PFKP: variants seen among roughly 807,000 people sequenced by gnomAD.
The protein encoded by PFKP is ATP-dependent 6-phosphofructokinase, platelet type.
In PFKP, 101 loss-of-function variants were observed where a neutral mutation model predicts 94.3. The observed-to-expected ratio is 1.07, with a 90% CI of 0.91 to 1.26. The LOEUF is 1.26. Among genes scored for constraint, PFKP ranks in the 50% most tolerant of loss-of-function variants. PFKP has a pLI of 0.00. For synonymous variants in PFKP, 573 were observed against 432.6 expected, an observed-to-expected ratio of 1.32 and a Z score of -4.03; for missense variants, 1,145 against 1,103.3, an observed-to-expected ratio of 1.04 and a Z score of -0.53.
In PFKP at chr10:3,108,761, G is replaced by C; in HGVS notation, c.931G>C (p.Gly311Arg). ...GACCATCCTCGGGCACGTGCAGAGA[G>C]GAGGGACCCCTTCGGCATTCGACAG... ...RVTILGHVQR[G>R]GTPSAFDRIL... The change falls in exon 9 of 22, where the codon GGA (glycine) becomes CGA (arginine). Residue 311 changes from glycine to arginine, a missense_variant. Gly to Arg is a moderately radical substitution (Grantham distance 125, BLOSUM62 -2). Coordinates refer to ENST00000381125, the MANE Select transcript of PFKP (RefSeq NM_002627.5). 6.2e-7 allele frequency: 1 copy of C among 1,613,824 alleles called. No homozygotes were observed. The highest frequency in any genetic ancestry group is 8.5e-7 in the Non-Finnish European group (1 of 1,179,738).
At position 3,101,361 on chromosome 10, in the gene PFKP, C is replaced by A; in HGVS notation, c.265-4C>A. On this transcript the variant is annotated splice_polypyrimidine_tract_variant and splice_region_variant and intron_variant, in intron 3 of 21. Transcript: ENST00000381125. ...GGAGATAAATTAGCTGGTGTCTTTC[C>A]CAGGGCGGGACGATCATTGGCAGTG... 6.3e-7 allele frequency: 1 copy of A among 1,575,902 alleles called. No individual in the cohort carries two copies. The highest frequency in any genetic ancestry group is 8.6e-7 in the Non-Finnish European group (1 of 1,160,532).
chr10:3,124,263 G>A (rs1265111913), intron 16 of PFKP, among the ~76,000 whole-genome samples: 1 of 152,202 alleles, frequency 6.6e-6, no homozygotes, highest in African/African-American at 2.4e-5. Context: ...ATAAATAGTT[G>A]GTTTTGCCAC....
At chr10:3,107,671 T>C (rs1437471799) in intron 8 of PFKP, 1 of 911,296 alleles carries the variant, frequency 1.1e-6, no homozygotes, top group African/African-American at 1.8e-5. Context: ...GGGCTTCTGT[T>C]TGCCACAGTG....
intron 1 of PFKP, 103 bp downstream of exon 1, chr10:3,067,810 TG>T (rs993980849): frequency 8.1e-5 from 19 of 233,652 alleles, no homozygotes; most frequent in East Asian, 2.9e-4. Context: ...GGGGAAGCGA[TG>T]GGGGGGACCC....
In PFKP at chr10:3,135,883, T is replaced by G. The variant is rs1839220507; in HGVS notation, c.2225+45T>G. The G allele has an allele frequency of 2.5e-6, 3 of 1,182,668 alleles. No homozygotes were observed. The East Asian group carries it at 7.0e-5, about 28-fold the overall frequency. 73.3% of individuals were successfully genotyped at this position (1,182,668 alleles called of 1,614,324 possible). ...TGAGGCAATAAGACCCCAATGTGAG[T>G]ACGGGACAGGGGAATGGCCATTGCT... On this transcript the variant is annotated intron_variant, in intron 21 of 21. Coordinates refer to ENST00000381125, the MANE Select transcript of PFKP (RefSeq NM_002627.5).
intron 16 of PFKP, among the ~76,000 whole-genome samples, chr10:3,128,305 C>T (rs1009304709): frequency 3.3e-5 from 5 of 152,164 alleles, no homozygotes; most frequent in Non-Finnish European, 7.4e-5. Context: ...CAGGGAGAGA[C>T]ACCGGGATAA....
Position 3,082,417 on chromosome 10 carries a change from C to T in PFKP, c.142C>T (p.Arg48Cys), listed in dbSNP as rs1212418691. 5.6e-6 allele frequency: 9 copies of T among 1,607,490 alleles called. No individual in the cohort carries two copies. Among genetic ancestry groups the T allele is most frequent in the Non-Finnish European group, 6.8e-6 (8 of 1,175,824 alleles). ...GAACGCTGCCGTCCGTGCCGTGGTGCGCATGGGTATCTACGTGGGGGCCAA... is the reference window on the plus strand; with the variant it reads ...GAACGCTGCCGTCCGTGCCGTGGTGTGCATGGGTATCTACGTGGGGGCCAA... ...GMNAAVRAVVRMGIYVGAKVY... is the reference protein window; with the variant it reads ...GMNAAVRAVVCMGIYVGAKVY... Residue 48 changes from arginine (R) to cysteine (C), a missense_variant, in exon 2 of 22, where the codon CGC becomes TGC. Physicochemically the swap from Arg to Cys is radical, Grantham distance 180. Transcript: ENST00000381125.
intron 20 of PFKP, 103 bp from the exon 21 acceptor site, chr10:3,135,633 C>A: frequency 1.4e-6 from 1 of 716,616 alleles, no homozygotes; most frequent in South Asian, 1.8e-5. Flanking sequence ...CCGGGTTCAG[C>A]ATGGTTCTGA....
At chr10:3,081,420 C>T (rs1294111203) in intron 1 of PFKP, among the ~76,000 whole-genome samples, 1 of 152,234 alleles carries the variant, frequency 6.6e-6, no homozygotes, top group African/African-American at 2.4e-5. Context: ...ATCTTTAGTT[C>T]TGACAGCTGT....
chr10:3,077,164 C>T (rs888548586), intron 1 of PFKP, among the ~76,000 whole-genome samples: 5 of 150,428 alleles, frequency 3.3e-5, no homozygotes, highest in Non-Finnish European at 5.9e-5. Context: ...TGAGAGAGGG[C>T]GAGGCAGGGA....
At chr10:3,071,150 C>T (rs369418208) in intron 1 of PFKP, among the ~76,000 whole-genome samples, 4 of 152,104 alleles carry the variant, frequency 2.6e-5, no homozygotes, top group Admixed American at 1.3e-4. Flanking sequence ...CCCAAAATTA[C>T]ACAGATATTC....
At position 3,103,831 on chromosome 10, in the gene PFKP, C is replaced by A; in HGVS notation, c.507C>A (p.Gly169=). ...VQKYAYLNVV[G]MVGSIDNDFC... ...AGTACGCCTACCTCAACGTGGTGGG[C>A]ATGGTGGGCTCCATCGACAATGATT... The change falls in exon 5 of 22, where the codon GGC becomes GGA. Residue 169 remains glycine (G), a synonymous_variant. Transcript: ENST00000381125. The A allele has an allele frequency of 1.2e-6, 2 of 1,614,028 alleles. No individual in the cohort carries two copies. Among genetic ancestry groups the A allele is most frequent in the Non-Finnish European group, 1.7e-6 (2 of 1,180,014 alleles).
chr10:3,117,761 A>C (rs926757206), intron 14 of PFKP, among the ~76,000 whole-genome samples: 3 of 152,198 alleles, frequency 2.0e-5, no homozygotes, highest in South Asian at 2.1e-4. Context: ...CACCCCGGGC[A>C]CAGGTGCTTG....
At chr10:3,125,161 T>C (rs190667486) in intron 16 of PFKP, 2 of 1,349,844 alleles carry the variant, frequency 1.5e-6, no homozygotes, top group Admixed American at 4.0e-5. Context: ...TGCATCCCCC[T>C]GTGTGTGGTG....
chr10:3,078,283 G>A (rs1451918972), intron 1 of PFKP, among the ~76,000 whole-genome samples: 2 of 151,482 alleles, frequency 1.3e-5, no homozygotes, highest in African/African-American at 2.4e-5. Flanking sequence ...AGGTGTGCAC[G>A]TCTTCGTCCC....
chr10:3,124,219 G>A (rs1209476570), intron 16 of PFKP, among the ~76,000 whole-genome samples: 1 of 152,186 alleles, frequency 6.6e-6, no homozygotes, highest in African/African-American at 2.4e-5. Context: ...GCAGATGTGG[G>A]GATATTCACA....
intron 18 of PFKP, among the ~76,000 whole-genome samples, chr10:3,132,655 C>T (rs567279072): frequency 1.2e-4 from 18 of 152,314 alleles, no homozygotes; most frequent in Middle Eastern, 3.4e-3. Flanking sequence ...GTCTCTTATT[C>T]TTTGATATCT....
chr10:3,118,841 A>C lies in PFKP; in HGVS notation c.1502A>C (p.Asn501Thr). Reference protein sequence around the residue: ...IATQMRTHSINALLIIGGFEA... With the variant: ...IATQMRTHSITALLIIGGFEA... ...ACACAGATGCGCACGCACAGCATCA[A>C]CGCGCTGCTGATCATCGGTGGATTC... The change falls in exon 15 of 22, where the codon AAC becomes ACC. Residue 501 changes from asparagine to threonine, a missense_variant. Around this residue, in one of 3 missense-constraint regions of PFKP, gnomAD observed 1,119 missense variants for 1,062.8 expected, o/e 1.05. Transcript: ENST00000381125. 6.2e-7 allele frequency: 1 copy of C among 1,613,640 alleles called. No homozygotes were observed. The highest frequency in any genetic ancestry group is 8.5e-7 in the Non-Finnish European group (1 of 1,179,696).
chr10:3,081,642 G>A (rs141661836), intron 1 of PFKP, among the ~76,000 whole-genome samples: 10 of 152,316 alleles, frequency 6.6e-5, no homozygotes, highest in East Asian at 3.9e-4. Flanking sequence ...AGGTGGTTCC[G>A]AGACACTAGT....
Sources: gnomAD v4.1 joint callset for allele counts (sites outside exome capture counted in the v4.1 genomes callset) on GRCh38, gnomAD v4.1.1 for gene constraint, gnomAD v4.1.1 regional missense constraint, MANE v1.5 for transcripts, NCBI Gene and HGNC (gene_info 2026-07-23, HGNC 2026-07-21) for gene names.